Variants in PIEZO2 observed in about 807,000 individuals in gnomAD.
The protein encoded by PIEZO2 is piezo type mechanosensitive ion channel component 2.
Under a neutral mutation model 337.3 loss-of-function variants are expected in PIEZO2, and 172 were observed. The observed-to-expected ratio is 0.51, with a 90% CI of 0.45 to 0.58. The LOEUF (loss-of-function observed/expected upper bound fraction) is 0.58. PIEZO2 is among the 20% of genes least tolerant of loss of function. The pLI is 0.00. For synonymous variants in PIEZO2, 1,251 were observed against 1,228.5 expected (o/e 1.02, Z -0.38); for missense variants, 3,028 against 3,391.3 (o/e 0.89, Z 2.66).
At chr18:10,776,610 A>G (rs2038796860) in intron 18 of PIEZO2, among the ~76,000 whole-genome samples, 1 of 152,210 alleles carries the variant, frequency 6.6e-6, no homozygotes, top group African/African-American at 2.4e-5. Flanking sequence ...TTCATCGGGA[A>G]TCTGTTTCCC....
At position 11,078,007 on chromosome 18, in the gene PIEZO2, C is replaced by T. The variant is rs72874225; in HGVS notation, c.65-11785G>A. ...CAAGGCCACAATACACACACATACA[C>T]GCAAAAACACATGTGCGTGCACACA... On this transcript the variant is annotated intron_variant, in intron 1 of 55. Transcript: ENST00000674853. This position sits in a 1 kb window ranked among gnomAD's most constrained non-coding sequence, Gnocchi z 5.3. Among the ~76,000 whole-genome samples the T allele has an allele frequency of 0.1, 15,794 of 151,844 alleles. 864 individuals are homozygous for T. Among genetic ancestry groups the T allele is most frequent in the Middle Eastern group, 0.15 (43 of 294 alleles).
intron 2 of PIEZO2, among the ~76,000 whole-genome samples, chr18:10,995,073 G>T: frequency 3.1e-5 from 1 of 32,734 alleles, no homozygotes; most frequent in South Asian, 6.5e-4. Flanking sequence ...GTGAGACTCC[G>T]TCTCAAAAAA....
At position 10,746,787 on chromosome 18, in the gene PIEZO2, G is replaced by C. The variant is rs987024499; in HGVS notation, c.4424+1684C>G. 6.6e-6 allele frequency among the ~76,000 whole-genome samples: 1 copy of C among 152,144 alleles called. No homozygotes were observed. The highest frequency in any genetic ancestry group is 1.5e-5 in the Non-Finnish European group (1 of 68,040). ...GCCATCTATGAGGAAGTGGGCCCTC[G>C]GCCGACACTGAATCTGCTCGAACCT... On this transcript the variant is annotated intron_variant, in intron 30 of 55. Coordinates refer to ENST00000674853, the MANE Select transcript of PIEZO2 (RefSeq NM_001378183.1). This position sits in a 1 kb window ranked among gnomAD's most constrained non-coding sequence, Gnocchi z 4.2.
chr18:11,038,237 G>A lies in PIEZO2; in HGVS notation c.160+27890C>T, dbSNP rs140232547. On this transcript the variant is annotated intron_variant, in intron 2 of 55. Transcript: ENST00000674853. This position sits in a 1 kb window ranked among gnomAD's most constrained non-coding sequence, Gnocchi z 4.1. ...CACAGCCATAAAAATCATACCACCC[G>A]TTCACATATAATTCATCATATTCTG... Among the ~76,000 whole-genome samples the A allele has an allele frequency of 2.5e-4, 38 of 152,104 alleles. No homozygotes were observed. Among genetic ancestry groups the A allele is most frequent in the African/African-American group, 8.7e-4 (36 of 41,488 alleles).
intron 7 of PIEZO2, among the ~76,000 whole-genome samples, chr18:10,848,060 T>C (rs2144649265): frequency 6.6e-6 from 1 of 152,292 alleles, no homozygotes; most frequent in South Asian, 2.1e-4. Context: ...AAACTTCAGA[T>C]CACCCCAATG....
Position 10,750,201 on chromosome 18 carries a change from G to T in PIEZO2, c.4168-14C>A. On this transcript the variant is annotated splice_polypyrimidine_tract_variant and intron_variant, in intron 28 of 55. Coordinates refer to ENST00000674853, the MANE Select transcript of PIEZO2 (RefSeq NM_001378183.1). This position sits in a 1 kb window ranked among gnomAD's most constrained non-coding sequence, Gnocchi z 4.1. ...ACATGCTCCTATCTGAAAAACAAAAGAGGGGGATAATCCTGAAGCTCTGCA... is the reference window on the plus strand; with the variant it reads ...ACATGCTCCTATCTGAAAAACAAAATAGGGGGATAATCCTGAAGCTCTGCA... 6.6e-7 allele frequency: 1 copy of T among 1,522,400 alleles called. No homozygotes were observed. Among genetic ancestry groups the T allele is most frequent in the South Asian group, 1.2e-5 (1 of 83,716 alleles). The allele number at this position is 1,522,400 out of a possible 1,614,324, so 94.3% of individuals were successfully genotyped here.
At chr18:10,849,667 G>A (rs898533351) in intron 7 of PIEZO2, among the ~76,000 whole-genome samples, 2 of 152,184 alleles carry the variant, frequency 1.3e-5, no homozygotes, top group Non-Finnish European at 2.9e-5. Context: ...GGGGGAAACC[G>A]AACATCAGCC....
rs371843375 is a variant in PIEZO2, at chr18:10,758,117, G to A, written c.3775C>T (p.Leu1259=). ...VFLVYDFMLL[L]CASLQRQIFE... is the part of the protein sequence containing the mutation. The stretch of plus-strand genomic sequence containing the variant: ...ATCTGCCGTTGTAAGGAGGCACACA[G>A]AAGCAGCATGAAGTCATCTAACAAG... Residue 1259 remains leucine, a synonymous_variant, in exon 27 of 56, where the codon CTG becomes TTG. Transcript: ENST00000674853. The A allele has an allele frequency of 3.3e-5, 51 of 1,537,432 alleles. No homozygotes were observed. The African/African-American group carries it at 4.8e-4, about 14-fold the overall frequency.
chr18:10,875,194 T>C (rs1453868961), intron 4 of PIEZO2, among the ~76,000 whole-genome samples: 5 of 152,312 alleles, frequency 3.3e-5, no homozygotes, highest in East Asian at 1.9e-4. Flanking sequence ...AAAATGCTTG[T>C]GTTAAAGGTC....
At chr18:10,881,370 T>C (rs2042416011) in intron 4 of PIEZO2, among the ~76,000 whole-genome samples, 1 of 152,330 alleles carries the variant, frequency 6.6e-6, no homozygotes, top group South Asian at 2.1e-4. Context: ...TTTATTCTCC[T>C]AAAAGGGTAT....
At chr18:10,887,219 A>G (rs1202052915) in intron 4 of PIEZO2, among the ~76,000 whole-genome samples, 1 of 151,648 alleles carries the variant, frequency 6.6e-6, no homozygotes, top group Non-Finnish European at 1.5e-5. Flanking sequence ...ACAGGTGTGC[A>G]CTAGCACACC....
chr18:10,689,745 C>G lies in PIEZO2; in HGVS notation c.7407G>C (p.Thr2469=). ...ELRAVMDWVW[T]DTTLSLSSWI... ...AGCTGGACAGGCTCAAAGTTGTGTC[C>G]GTCCACACCCAGTCCATCACTGCCC... The change falls in exon 49 of 56, where the codon ACG becomes ACC. Residue 2469 remains threonine (T), a synonymous_variant. Coordinates refer to ENST00000674853, the MANE Select transcript of PIEZO2 (RefSeq NM_001378183.1). 1 of 1,614,140 alleles carries G rather than the reference C, an allele frequency of 6.2e-7. No homozygotes were observed. Among genetic ancestry groups the G allele is most frequent in the South Asian group, 1.1e-5 (1 of 91,068 alleles).
chr18:11,124,247 C>G (rs887005732), intron 1 of PIEZO2, among the ~76,000 whole-genome samples: 3 of 152,150 alleles, frequency 2.0e-5, no homozygotes, highest in African/African-American at 7.2e-5. Flanking sequence ...ATGGGAGACT[C>G]AGCCACTTGT....
rs2039140849 is a variant in PIEZO2 at position 11,092,938 on chromosome 18, T to C, written c.65-26716A>G. On this transcript the variant is annotated intron_variant, in intron 1 of 55. Transcript: ENST00000674853. This position sits in a 1 kb window ranked among gnomAD's most constrained non-coding sequence, Gnocchi z 4.5. ...GCTTAATATGCACGTAAAGTGTTCT[T>C]TTAAATCAAACCATTCTCACTTACC... Among the ~76,000 whole-genome samples the C allele has an allele frequency of 1.3e-5, 2 of 152,186 alleles. No homozygotes were observed. The highest frequency in any genetic ancestry group is 2.9e-5 in the Non-Finnish European group (2 of 68,038).
In PIEZO2 at chr18:10,704,425, C is replaced by T. The variant is rs1480686209; in HGVS notation, c.6227G>A (p.Arg2076Gln). ...ATAGACGATGGCCATCATCCAGAACCGGCGGCTGGGCCTGGGGACGGACAA... is the reference window on the plus strand; with the variant it reads ...ATAGACGATGGCCATCATCCAGAACTGGCGGCTGGGCCTGGGGACGGACAA... ...AMLSVPRPSR[R>Q]FWMMAIVYTE... The change falls in exon 42 of 56, where the codon CGG becomes CAG. Residue 2076 changes from arginine to glutamine, a missense_variant. Physicochemically the swap from Arg to Gln is conservative, Grantham distance 43. Coordinates refer to ENST00000674853, the MANE Select transcript of PIEZO2 (RefSeq NM_001378183.1). 1.6e-5 allele frequency: 24 copies of T among 1,537,054 alleles called. No homozygotes were observed. Among genetic ancestry groups the T allele is most frequent in the South Asian group, 4.8e-5 (4 of 84,058 alleles).
intron 48 of PIEZO2, among the ~76,000 whole-genome samples, chr18:10,690,358 G>A (rs1324221633): frequency 6.6e-6 from 1 of 152,154 alleles, no homozygotes; most frequent in Non-Finnish European, 1.5e-5. Context: ...GCTCCTCCAG[G>A]CTCTGAAGAA....
Position 10,748,493 on chromosome 18 carries a change from C to A in PIEZO2, c.4402G>T (p.Ala1468Ser). The A allele has an allele frequency of 6.5e-7, 1 of 1,537,002 alleles. No homozygotes were observed. Among genetic ancestry groups the A allele is most frequent in the Non-Finnish European group, 8.7e-7 (1 of 1,146,830 alleles). ...CACCTTGATGCCAGAATCTGGGAAG[C>A]TTTTATATCAGCCACAACATGTAGA... ...YFLHVVADIK[A>S]SQILASRGAE... The change falls in exon 30 of 56, where the codon GCT (alanine) becomes TCT (serine). Residue 1468 changes from alanine to serine, a missense_variant. This residue lies in a region of PIEZO2 where 1,925 missense variants were observed against 2,051.9 expected (regional missense o/e 0.94). Coordinates refer to ENST00000674853, the MANE Select transcript of PIEZO2 (RefSeq NM_001378183.1). The surrounding 1 kb of genome is among the most constrained non-coding windows in gnomAD (Gnocchi z 5.1).
intron 40 of PIEZO2, among the ~76,000 whole-genome samples, chr18:10,708,051 T>G (rs1220971753): frequency 6.6e-6 from 1 of 152,178 alleles, no homozygotes; most frequent in Non-Finnish European, 1.5e-5. Context: ...TTAAAGAAAC[T>G]CCTAACAGAC....
At chr18:10,803,793 T>G in intron 9 of PIEZO2, 82 bp downstream of exon 9, 1 of 1,475,054 alleles carries the variant, frequency 6.8e-7, no homozygotes, top group Non-Finnish European at 9.0e-7. Context: ...ATGATATATA[T>G]GATATTATAA....
Sources: gnomAD v4.1 joint callset for allele counts (sites outside exome capture counted in the v4.1 genomes callset) on GRCh38, gnomAD v4.1.1 for gene constraint, gnomAD v4.1.1 regional missense constraint, Gnocchi (gnomAD v3.1) non-coding constraint, MANE v1.5 for transcripts, NCBI Gene and HGNC (gene_info 2026-07-23, HGNC 2026-07-21) for gene names.